CACNA2D3: variants seen among roughly 807,000 people sequenced by gnomAD.
CACNA2D3 encodes the protein voltage-dependent calcium channel subunit alpha-2/delta-3.
In CACNA2D3, 60 loss-of-function variants were observed where a neutral mutation model predicts 160.6. The observed-to-expected ratio is 0.37, with a 90% CI of 0.30 to 0.46. The LOEUF (loss-of-function observed/expected upper bound fraction) is 0.46. Ranked by LOEUF, CACNA2D3 falls within the 20% of genes least tolerant of loss-of-function variation. The pLI is 1.00. For synonymous variants in CACNA2D3, 558 were observed against 492.9 expected (o/e 1.13, Z -1.75); for missense variants, 1,205 against 1,365.0 (o/e 0.88, Z 1.85).
At chr3:54,516,247 T>C (rs1701549168) in intron 5 of CACNA2D3, among the ~76,000 whole-genome samples, 1 of 152,180 alleles carries the variant, frequency 6.6e-6, no homozygotes, top group Admixed American at 6.5e-5. Context: ...GGTGAGTTTC[T>C]AGTACAAATG....
chr3:54,955,425 A>G (rs1338170466), intron 27 of CACNA2D3, among the ~76,000 whole-genome samples: 4 of 152,120 alleles, frequency 2.6e-5, no homozygotes, highest in Non-Finnish European at 5.9e-5. Flanking sequence ...TTTCTAGGGC[A>G]GGGGTTTAAG....
At chr3:54,418,938 G>A (rs1251683570) in intron 4 of CACNA2D3, among the ~76,000 whole-genome samples, 1 of 152,122 alleles carries the variant, frequency 6.6e-6, no homozygotes, top group Non-Finnish European at 1.5e-5. Context: ...GTAGACTGTG[G>A]CCTCCAGGGA....
At position 54,586,233 on chromosome 3, in the gene CACNA2D3, C is replaced by T. The variant is rs571892664; in HGVS notation, c.963+4356C>T. Among the ~76,000 whole-genome samples the T allele has an allele frequency of 1.8e-3, 241 of 137,044 alleles. 2 individuals carry two copies. Among genetic ancestry groups the T allele is most frequent in the Middle Eastern group, 4.3e-3 (1 of 232 alleles). 89.9% of individuals were successfully genotyped at this position (137,044 alleles called of 152,430 possible). ...GAGCCGAGATTGCACCACTGCACTC[C>T]AGCCTGGGCAATAGAGCGAGATCCA... On this transcript the variant is annotated intron_variant, in intron 9 of 37. Transcript: ENST00000474759.
intron 4 of CACNA2D3, among the ~76,000 whole-genome samples, chr3:54,407,484 A>G (rs1699597759): frequency 6.6e-6 from 1 of 152,168 alleles, no homozygotes; most frequent in South Asian, 2.1e-4. Flanking sequence ...TTTCTTAGTT[A>G]GGACTTGCCA....
chr3:54,932,128 G>A (rs775065974), intron 27 of CACNA2D3, among the ~76,000 whole-genome samples: 4 of 152,072 alleles, frequency 2.6e-5, no homozygotes, highest in Admixed American at 6.5e-5. Flanking sequence ...GCAGTGAGCC[G>A]AGATCACGCC....
chr3:54,661,838 ATGTGTGTATGTGTGTGTG>A (rs71096433), intron 11 of CACNA2D3, among the ~76,000 whole-genome samples: 46,385 of 146,562 alleles, frequency 0.32, 7,944 homozygotes, highest in East Asian at 0.49. Context: ...CATCTCAGGG[ATGTGTGTATGTGTGTGTG>A]TGTGTGTGTG....
intron 4 of CACNA2D3, among the ~76,000 whole-genome samples, chr3:54,398,157 T>C (rs1303504435): frequency 7.9e-6 from 1 of 126,778 alleles, no homozygotes; most frequent in Admixed American, 8.7e-5. Flanking sequence ...TTTTTTTGTT[T>C]TCCATTGGCT....
intron 2 of CACNA2D3, among the ~76,000 whole-genome samples, chr3:54,154,215 T>C (rs982937735): frequency 6.6e-6 from 1 of 152,186 alleles, no homozygotes; most frequent in Non-Finnish European, 1.5e-5. Flanking sequence ...ATGTATCAAG[T>C]TTTTTTAAAA....
chr3:54,677,966 T>C (rs1700274678), intron 11 of CACNA2D3, among the ~76,000 whole-genome samples: 1 of 151,896 alleles, frequency 6.6e-6, no homozygotes, highest in Non-Finnish European at 1.5e-5. Flanking sequence ...GAGAGAGAAA[T>C]GAAGCAAGAG....
At chr3:54,539,509 G>T (rs1392563621) in intron 5 of CACNA2D3, among the ~76,000 whole-genome samples, 2 of 152,164 alleles carry the variant, frequency 1.3e-5, no homozygotes, top group African/African-American at 4.8e-5. Context: ...CATTTGTGTG[G>T]TGTGTACCCT....
chr3:55,011,170 A>G (rs376380856), intron 34 of CACNA2D3, among the ~76,000 whole-genome samples: 50 of 152,336 alleles, frequency 3.3e-4, no homozygotes, highest in African/African-American at 1.2e-3. Context: ...TTGCTCTCTG[A>G]TAACTGGGAG....
At chr3:54,625,535 C>T (rs1349902056) in intron 9 of CACNA2D3, among the ~76,000 whole-genome samples, 1 of 151,770 alleles carries the variant, frequency 6.6e-6, no homozygotes, top group Non-Finnish European at 1.5e-5. Context: ...ATAATGGTGG[C>T]TGCTCTGATG....
At chr3:54,917,005 T>G (rs1307638333) in intron 27 of CACNA2D3, among the ~76,000 whole-genome samples, 1 of 152,216 alleles carries the variant, frequency 6.6e-6, no homozygotes, top group Non-Finnish European at 1.5e-5. Context: ...TGGCCCTATA[T>G]TTGCCATTCT....
At chr3:54,286,205 T>C (rs1402601700) in intron 2 of CACNA2D3, among the ~76,000 whole-genome samples, 10 of 152,162 alleles carry the variant, frequency 6.6e-5, no homozygotes, top group Middle Eastern at 3.4e-3. Context: ...AATGTATAAC[T>C]AGAATAACCA....
intron 4 of CACNA2D3, among the ~76,000 whole-genome samples, chr3:54,391,453 A>G (rs747647502): frequency 1.3e-5 from 2 of 152,122 alleles, no homozygotes; most frequent in Non-Finnish European, 2.9e-5. Flanking sequence ...AGAATCCTCC[A>G]TAGAAAACAG....
At chr3:54,865,553 G>T (rs2106809216) in intron 17 of CACNA2D3, among the ~76,000 whole-genome samples, 1 of 152,360 alleles carries the variant, frequency 6.6e-6, no homozygotes. Flanking sequence ...GAATCAAAGG[G>T]GAGGAGGCCC....
At chr3:54,779,915 G>C (rs562332073) in intron 13 of CACNA2D3, among the ~76,000 whole-genome samples, 29 of 152,304 alleles carry the variant, frequency 1.9e-4, no homozygotes, top group African/African-American at 6.5e-4. Flanking sequence ...GACTGGGGCA[G>C]TCTGTGATGT....
intron 2 of CACNA2D3, among the ~76,000 whole-genome samples, chr3:54,267,671 C>T (rs985449639): frequency 5.3e-5 from 8 of 152,144 alleles, no homozygotes; most frequent in African/African-American, 1.7e-4. Flanking sequence ...CACCCAATCC[C>T]TGGCTGTTTT....
intron 11 of CACNA2D3, among the ~76,000 whole-genome samples, chr3:54,675,623 A>G (rs962127800): frequency 6.6e-6 from 1 of 152,152 alleles, no homozygotes; most frequent in South Asian, 2.1e-4. Flanking sequence ...GAGGAGACGC[A>G]GAGGATGAAG....
Sources: gnomAD v4.1 joint callset for allele counts (sites outside exome capture counted in the v4.1 genomes callset) on GRCh38, gnomAD v4.1.1 for gene constraint, MANE v1.5 for transcripts, NCBI Gene and HGNC (gene_info 2026-07-23, HGNC 2026-07-21) for gene names.